Variants in CAP2 observed in about 807,000 individuals in gnomAD.
CAP2 encodes the protein adenylyl cyclase-associated protein 2.
In CAP2, 24 loss-of-function variants were observed where a neutral mutation model predicts 57.7. The ratio of observed to expected loss-of-function variants is 0.42; its 90% CI spans 0.30 to 0.58. The LOEUF is 0.58. CAP2 is among the 20% of genes least tolerant of loss of function. The pLI, the probability that CAP2 is intolerant of heterozygous loss-of-function variation, is 0.22. For missense variants in CAP2, 501 were observed against 590.3 expected, an observed-to-expected ratio of 0.85 and a Z score of 1.57; for synonymous variants, 194 against 207.2, an observed-to-expected ratio of 0.94 and a Z score of 0.55.
chr6:17,439,916 G>A (rs1323078934), intron 3 of CAP2, among the ~76,000 whole-genome samples: 1 of 151,412 alleles, frequency 6.6e-6, no homozygotes, highest in Non-Finnish European at 1.5e-5. Flanking sequence ...GTGTCCTGGG[G>A]GTTGGGGACC....
At chr6:17,422,450 A>G (rs1425212925) in intron 2 of CAP2, among the ~76,000 whole-genome samples, 1 of 150,520 alleles carries the variant, frequency 6.6e-6, no homozygotes. Context: ...CCCAGATTCA[A>G]GCGATTCTCT....
intron 7 of CAP2, among the ~76,000 whole-genome samples, chr6:17,528,538 A>G (rs1762564248): frequency 6.6e-6 from 1 of 152,256 alleles, no homozygotes; most frequent in African/African-American, 2.4e-5. Flanking sequence ...GGAGGGTGGG[A>G]GGAGTGGAGA....
chr6:17,463,047 G>A lies in CAP2; in HGVS notation c.274G>A (p.Ala92Thr), dbSNP rs1403812303. The change falls in exon 4 of 13, where the codon GCC becomes ACC. Residue 92 changes from alanine to threonine, a missense_variant. Ala to Thr is a moderately conservative substitution (Grantham distance 58). Transcript: ENST00000229922. ...FQAQRAFLLM[A>T]SQYQQPHEND... ...GGCCCAGCGGGCTTTCCTTCTGATG[G>A]CCTCTCAGTACCAACAACCCCACGA... The A allele has an allele frequency of 1.2e-6, 2 of 1,613,932 alleles. No homozygotes were observed. The highest frequency in any genetic ancestry group is 1.7e-6 in the Non-Finnish European group (2 of 1,179,850).
chr6:17,448,982 G>A (rs1022296734), intron 3 of CAP2, among the ~76,000 whole-genome samples: 7 of 152,086 alleles, frequency 4.6e-5, no homozygotes, highest in African/African-American at 1.4e-4. Flanking sequence ...GGCTGGTCTC[G>A]AACTCCTGAC....
intron 11 of CAP2, among the ~76,000 whole-genome samples, chr6:17,547,973 A>G (rs1222690547): frequency 6.6e-6 from 1 of 152,136 alleles, no homozygotes; most frequent in Non-Finnish European, 1.5e-5. Flanking sequence ...CAAGAGATTC[A>G]AGAAACTATA....
intron 3 of CAP2, among the ~76,000 whole-genome samples, chr6:17,449,041 C>T (rs1051105858): frequency 3.3e-5 from 5 of 152,304 alleles, no homozygotes; most frequent in East Asian, 3.9e-4. Context: ...GGATTACAGG[C>T]GTGAGCCACA....
intron 11 of CAP2, among the ~76,000 whole-genome samples, chr6:17,550,849 T>C (rs1450454771): frequency 6.6e-6 from 1 of 152,182 alleles, no homozygotes; most frequent in Non-Finnish European, 1.5e-5. Flanking sequence ...CCCAGTTTTG[T>C]CTCCTGAAAT....
At chr6:17,419,688 A>C (rs1183092788) in intron 1 of CAP2, among the ~76,000 whole-genome samples, 6 of 145,244 alleles carry the variant, frequency 4.1e-5, no homozygotes, top group Admixed American at 3.4e-4. Context: ...CCCCCTCGCC[A>C]TTTTTTTTTT....
chr6:17,435,611 G>A (rs1334911800), intron 3 of CAP2, among the ~76,000 whole-genome samples: 2 of 111,066 alleles, frequency 1.8e-5, no homozygotes, highest in African/African-American at 7.1e-5. Flanking sequence ...CAGCGCACCA[G>A]CATGGCACAT....
At chr6:17,426,444 A>G in intron 2 of CAP2, 146 bp from the exon 3 acceptor site, 1 of 611,390 alleles carries the variant, frequency 1.6e-6, no homozygotes, top group South Asian at 1.8e-5. Context: ...CATGTTGTCC[A>G]GGCTGGTCTT....
chr6:17,402,471 TAAAA>T (rs1758842515), intron 1 of CAP2, among the ~76,000 whole-genome samples: 1 of 152,010 alleles, frequency 6.6e-6, no homozygotes, highest in Non-Finnish European at 1.5e-5. Context: ...AAATCTATCT[TAAAA>T]AACAAAAAGT....
rs369966020 is a variant in CAP2, at chr6:17,463,061, A to G, written c.288A>G (p.Gln96=). The G allele has an allele frequency of 4.3e-6, 7 of 1,612,750 alleles. No individual in the cohort carries two copies. The highest frequency in any genetic ancestry group is 5.1e-6 in the Non-Finnish European group (6 of 1,178,912). The change falls in exon 4 of 13, where the codon CAA becomes CAG. Residue 96 remains glutamine (Q), a synonymous_variant. Transcript: ENST00000229922. ...TCCTTCTGATGGCCTCTCAGTACCAACAACCCCACGAGGTAAGAGAGTGTC... is the reference window on the plus strand; with the variant it reads ...TCCTTCTGATGGCCTCTCAGTACCAGCAACCCCACGAGGTAAGAGAGTGTC... ...RAFLLMASQY[Q]QPHENDVAAL...
intron 11 of CAP2, among the ~76,000 whole-genome samples, chr6:17,545,115 G>A (rs188564010): frequency 2.6e-5 from 4 of 152,308 alleles, no homozygotes; most frequent in South Asian, 2.1e-4. Context: ...AGTAACAGCA[G>A]TGAAGTAATA....
At chr6:17,455,301 C>T (rs1436683126) in intron 3 of CAP2, among the ~76,000 whole-genome samples, 1 of 151,356 alleles carries the variant, frequency 6.6e-6, no homozygotes, top group African/African-American at 2.4e-5. Context: ...AAAAATGCCT[C>T]AAGCGAGCAT....
At chr6:17,550,253 A>ATAAT (rs1763138489) in intron 11 of CAP2, among the ~76,000 whole-genome samples, 1 of 152,042 alleles carries the variant, frequency 6.6e-6, no homozygotes, top group African/African-American at 2.4e-5. Context: ...CTCAAAATAA[A>ATAAT]TAAATAAATA....
intron 7 of CAP2, chr6:17,531,203 A>T (rs2113687684): frequency 1.3e-6 from 1 of 768,838 alleles, no homozygotes; most frequent in East Asian, 2.4e-5. Flanking sequence ...CTGACTTCAG[A>T]ATTGGGTACC....
At chr6:17,556,282 C>T (rs1384432551) in intron 12 of CAP2, 77 bp from the exon 13 acceptor site, 3 of 1,008,772 alleles carry the variant, frequency 3.0e-6, no homozygotes, top group African/African-American at 1.6e-5. Flanking sequence ...GCCTCACCAT[C>T]TGTTTGCAAA....
chr6:17,447,889 A>C, intron 3 of CAP2, among the ~76,000 whole-genome samples: 1 of 152,200 alleles, frequency 6.6e-6, no homozygotes, highest in Admixed American at 6.5e-5. Flanking sequence ...TAAGGGGTAG[A>C]GTTGAATTCG....
chr6:17,533,416 TA>T (rs1003052972), intron 7 of CAP2, among the ~76,000 whole-genome samples: 1 of 152,050 alleles, frequency 6.6e-6, no homozygotes, highest in Admixed American at 6.6e-5. Flanking sequence ...TGTGCCAATT[TA>T]AAAAAAGTAT....
Sources: allele counts gnomAD v4.1 joint callset (sites outside exome capture counted in the v4.1 genomes callset), GRCh38; gene constraint gnomAD v4.1.1; transcripts MANE v1.5; gene names NCBI Gene and HGNC (gene_info 2026-07-23, HGNC 2026-07-21).